ANKRD55: variants seen among roughly 807,000 people sequenced by gnomAD.
ANKRD55 encodes ankyrin repeat domain 55.
ANKRD55 carries 41 observed loss-of-function variants against 60.6 expected under a neutral mutation model. The observed-to-expected ratio is 0.68, with a 90% confidence interval of 0.53 to 0.88. ANKRD55 has a LOEUF of 0.88. Ranked by LOEUF, ANKRD55 falls within the 40% of genes least tolerant of loss-of-function variation. The probability of loss-of-function intolerance (pLI) is 0.00; values close to 1 mark genes in which losing one functional copy is unlikely to be tolerated. For missense variants in ANKRD55, 732 were observed against 767.6 expected (o/e 0.95, Z 0.55); for synonymous variants, 264 against 290.3 (o/e 0.91, Z 0.92).
intron 2 of ANKRD55, among the ~76,000 whole-genome samples, chr5:56,225,048 C>T (rs138693703): frequency 0.039 from 5,948 of 152,236 alleles, 151 homozygotes; most frequent in African/African-American, 0.073. Flanking sequence ...AATTTTAGAC[C>T]AATATCCTTG....
intron 10 of ANKRD55, among the ~76,000 whole-genome samples, chr5:56,106,379 T>TA (rs1337094535): frequency 6.8e-6 from 1 of 146,410 alleles, no homozygotes; most frequent in African/African-American, 2.6e-5. Context: ...CAATTATTGT[T>TA]AAAAATGATC....
chr5:56,122,553 G>C (rs1322369946), intron 8 of ANKRD55, among the ~76,000 whole-genome samples: 2 of 151,886 alleles, frequency 1.3e-5, no homozygotes, highest in East Asian at 1.9e-4. Flanking sequence ...CAGCTACTCG[G>C]GAGGCTGAGA....
intron 7 of ANKRD55, among the ~76,000 whole-genome samples, chr5:56,130,325 T>C (rs897972423): frequency 6.6e-6 from 1 of 152,190 alleles, no homozygotes; most frequent in Non-Finnish European, 1.5e-5. Context: ...TTCAACTCCA[T>C]CTAGCTCTAG....
At chr5:56,200,733 C>A (rs111564100) in intron 2 of ANKRD55, among the ~76,000 whole-genome samples, 2 of 152,058 alleles carry the variant, frequency 1.3e-5, no homozygotes, top group South Asian at 4.2e-4. Flanking sequence ...TGCAAAAGGG[C>A]CAGGTCAGTG....
intron 8 of ANKRD55, among the ~76,000 whole-genome samples, chr5:56,122,303 A>G (rs1187803550): frequency 6.6e-6 from 1 of 152,120 alleles, no homozygotes; most frequent in Admixed American, 6.6e-5. Flanking sequence ...TCATCCTGGA[A>G]AATACTGTGA....
At chr5:56,227,011 T>G (rs557394151) in intron 2 of ANKRD55, among the ~76,000 whole-genome samples, 38 of 150,092 alleles carry the variant, frequency 2.5e-4, no homozygotes, top group African/African-American at 9.1e-4. Flanking sequence ...GGATTATAAA[T>G]CATGCTGATA....
intron 2 of ANKRD55, among the ~76,000 whole-genome samples, chr5:56,210,435 G>C (rs536009551): frequency 3.0e-4 from 46 of 151,780 alleles, no homozygotes; most frequent in African/African-American, 8.2e-4. Flanking sequence ...GGTGGCGGGC[G>C]CCTGTAGTCC....
intron 6 of ANKRD55, among the ~76,000 whole-genome samples, chr5:56,147,393 G>T (rs539209331): frequency 6.6e-6 from 1 of 152,148 alleles, no homozygotes; most frequent in Non-Finnish European, 1.5e-5. Context: ...TGGATTCAAG[G>T]TTGTCTTACT....
chr5:56,135,283 CCTG>C lies in ANKRD55; in HGVS notation c.613-8180_613-8178del, dbSNP rs1561263915. Among the ~76,000 whole-genome samples the C allele has an allele frequency of 7.6e-3, 334 of 43,926 alleles. 12 individuals are homozygous for C. Among genetic ancestry groups the C allele is most frequent in the Middle Eastern group, 0.04 (4 of 100 alleles). The allele number at this position is 43,926 out of a possible 152,430, so 28.8% of individuals were successfully genotyped here. On this transcript the variant is annotated intron_variant, in intron 7 of 11. Transcript: ENST00000341048. The stretch of plus-strand genomic sequence containing the variant: ...CCTTCTTTCCCTCCCTCCCTCCCTG[CCTG>C]CCTGCTTGCTTTCTTTCTTTCTTTC...
chr5:56,217,451 T>G (rs1171226295), intron 2 of ANKRD55, among the ~76,000 whole-genome samples: 1 of 152,216 alleles, frequency 6.6e-6, no homozygotes, highest in Non-Finnish European at 1.5e-5. Flanking sequence ...TTATTTATGA[T>G]ATACATTTTG....
chr5:56,228,371 T>G (rs1296158065), intron 2 of ANKRD55, among the ~76,000 whole-genome samples: 1 of 151,012 alleles, frequency 6.6e-6, no homozygotes, highest in Non-Finnish European at 1.5e-5. Context: ...CAGCCAAGGC[T>G]GGAAGGACCA....
chr5:56,126,807 T>A, intron 8 of ANKRD55, 115 bp downstream of exon 8: 1 of 1,142,646 alleles, frequency 8.8e-7, no homozygotes, highest in Non-Finnish European at 1.2e-6. Context: ...CCATGTGTAT[T>A]ACTGGCAATA....
intron 2 of ANKRD55, among the ~76,000 whole-genome samples, chr5:56,184,846 A>G (rs1758932766): frequency 6.6e-6 from 1 of 151,668 alleles, no homozygotes; most frequent in African/African-American, 2.4e-5. Context: ...GTGAGCTATG[A>G]TTGTGCCACT....
At chr5:56,136,711 C>T (rs887366220) in intron 7 of ANKRD55, among the ~76,000 whole-genome samples, 3 of 151,788 alleles carry the variant, frequency 2.0e-5, no homozygotes, top group Non-Finnish European at 2.9e-5. Context: ...ACTTGAGTCC[C>T]GGAGTTCAAG....
chr5:56,218,611 C>A (rs1336022029), intron 2 of ANKRD55, among the ~76,000 whole-genome samples: 2 of 152,168 alleles, frequency 1.3e-5, no homozygotes, highest in Non-Finnish European at 2.9e-5. Flanking sequence ...CAGCATAAAC[C>A]TAACTTTTAC....
intron 8 of ANKRD55, among the ~76,000 whole-genome samples, chr5:56,120,746 A>G (rs1757022297): frequency 6.6e-6 from 1 of 151,914 alleles, no homozygotes; most frequent in Non-Finnish European, 1.5e-5. Context: ...AAAAATACAA[A>G]ACATTAGCTG....
At chr5:56,211,746 T>G (rs1180272984) in intron 2 of ANKRD55, among the ~76,000 whole-genome samples, 1 of 152,226 alleles carries the variant, frequency 6.6e-6, no homozygotes, top group Non-Finnish European at 1.5e-5. Context: ...ACAAGCTGTG[T>G]GGCATGGTGT....
intron 9 of ANKRD55, among the ~76,000 whole-genome samples, chr5:56,115,345 G>A (rs1364978470): frequency 6.7e-6 from 1 of 149,090 alleles, no homozygotes; most frequent in Admixed American, 6.7e-5. Flanking sequence ...TTTTGAGACG[G>A]TCTTGCTCTG....
chr5:56,182,317 G>C (rs73128460), intron 3 of ANKRD55, among the ~76,000 whole-genome samples: 2,086 of 152,188 alleles, frequency 0.014, 55 homozygotes, highest in African/African-American at 0.048. Context: ...ATTTCTTACT[G>C]TTCTGTTTTC....
Sources: allele counts gnomAD v4.1 joint callset (sites outside exome capture counted in the v4.1 genomes callset), GRCh38; gene constraint gnomAD v4.1.1; transcripts MANE v1.5; gene names NCBI Gene and HGNC (gene_info 2026-07-23, HGNC 2026-07-21).